The following FHOD3 variants were observed in gnomAD, a reference collection of about 807,000 sequenced individuals.
FHOD3 encodes FH1/FH2 domain-containing protein 3.
In FHOD3, 90 loss-of-function variants were observed where a neutral mutation model predicts 173.0. The observed-to-expected ratio is 0.52, with a 90% CI of 0.44 to 0.62. FHOD3 has a LOEUF of 0.62. Among genes scored for constraint, FHOD3 ranks in the 20% least tolerant of loss-of-function variants. FHOD3 has a pLI of 0.00. For missense variants in FHOD3, 1,945 were observed against 2,034.7 expected, an observed-to-expected ratio of 0.96 and a Z score of 0.85; for synonymous variants, 828 against 823.0, an observed-to-expected ratio of 1.01 and a Z score of -0.10.
Position 36,486,433 on chromosome 18 carries a change from G to A in FHOD3, c.338-15499G>A, listed in dbSNP as rs2054195801. Among the ~76,000 whole-genome samples the A allele has an allele frequency of 2.0e-5, 3 of 152,178 alleles. No individual in the cohort carries two copies. In the South Asian group the frequency reaches 6.2e-4, roughly 32 times the overall value. On this transcript the variant is annotated intron_variant, in intron 3 of 28. Transcript: ENST00000590592. ...CCTGGAGTGCAGTAGCACGATTATA[G>A]CTTACTGCAGCCTCAATCTCCTGGG...
chr18:36,653,167 T>C (rs1004788933), intron 12 of FHOD3, among the ~76,000 whole-genome samples, 175 bp from the exon 13 acceptor site: 2 of 152,240 alleles, frequency 1.3e-5, no homozygotes, highest in Non-Finnish European at 2.9e-5. Flanking sequence ...TGTTAAAATA[T>C]GATTACTAGT....
rs1346065749 is a variant in FHOD3 at position 36,760,669 on chromosome 18, C to T, written c.4511C>T (p.Ala1504Val). Residue 1504 changes from alanine to valine, a missense_variant, in exon 27 of 29, where the codon GCG (alanine) becomes GTG (valine). Transcript: ENST00000590592. ...PPSQPQGLSY[A>V]EDAAEHENMK... ...AGCCAGCCGCAGGGTCTGAGCTATG[C>T]GGAGGACGCGGCTGAGCACGAGAAC... 3 of 1,613,224 alleles carry T rather than the reference C, an allele frequency of 1.9e-6. No individual in the cohort carries two copies. The highest frequency in any genetic ancestry group is 2.5e-6 in the Non-Finnish European group (3 of 1,179,978).
At chr18:36,437,746 C>A (rs1279249768) in intron 3 of FHOD3, among the ~76,000 whole-genome samples, 1 of 150,798 alleles carries the variant, frequency 6.6e-6, no homozygotes, top group Non-Finnish European at 1.5e-5. Context: ...TCACTGCAAC[C>A]TCTGACTCCC....
intron 3 of FHOD3, among the ~76,000 whole-genome samples, chr18:36,469,838 G>C (rs555315736): frequency 6.6e-6 from 1 of 152,220 alleles, no homozygotes; most frequent in Admixed American, 6.5e-5. Flanking sequence ...CGGGGTCTGC[G>C]GGGGAAGCTC....
chr18:36,349,446 G>A (rs934003052), intron 1 of FHOD3, among the ~76,000 whole-genome samples: 2 of 152,328 alleles, frequency 1.3e-5, no homozygotes, highest in African/African-American at 4.8e-5. Flanking sequence ...AGTGCCATAA[G>A]CACTTGCGCT....
At chr18:36,481,017 G>A (rs113534641) in intron 3 of FHOD3, among the ~76,000 whole-genome samples, 1,306 of 108,412 alleles carry the variant, frequency 0.012, 14 homozygotes, top group Admixed American at 0.02. Flanking sequence ...ATATTGGGAG[G>A]TGGTTTTTTT....
intron 3 of FHOD3, among the ~76,000 whole-genome samples, chr18:36,439,161 A>G (rs2050983163): frequency 6.6e-6 from 1 of 152,190 alleles, no homozygotes; most frequent in Non-Finnish European, 1.5e-5. Context: ...TTTTTATTGA[A>G]TGCTCCTTCA....
At chr18:36,330,290 G>A (rs1381832191) in intron 1 of FHOD3, among the ~76,000 whole-genome samples, 2 of 152,186 alleles carry the variant, frequency 1.3e-5, no homozygotes, top group South Asian at 2.1e-4. Flanking sequence ...TGAAAACAAA[G>A]CATCTGAGAG....
At chr18:36,317,736 T>A (rs1018709219) in intron 1 of FHOD3, among the ~76,000 whole-genome samples, 55 of 152,236 alleles carry the variant, frequency 3.6e-4, no homozygotes, top group African/African-American at 1.3e-3. Flanking sequence ...TTTAATTAGA[T>A]CCCATTTGTG....
chr18:36,734,796 G>A (rs1248424693), intron 20 of FHOD3, among the ~76,000 whole-genome samples: 1 of 152,148 alleles, frequency 6.6e-6, no homozygotes, highest in Non-Finnish European at 1.5e-5. Flanking sequence ...TCTGCTTCTC[G>A]GATGCAAGCA....
chr18:36,732,417 A>G (rs2041411821), intron 20 of FHOD3, among the ~76,000 whole-genome samples: 1 of 152,192 alleles, frequency 6.6e-6, no homozygotes, highest in Non-Finnish European at 1.5e-5. Context: ...GAACAGGTAC[A>G]ATAAGGGAAA....
intron 5 of FHOD3, among the ~76,000 whole-genome samples, chr18:36,556,727 A>G (rs1242980079): frequency 1.3e-5 from 2 of 152,124 alleles, no homozygotes; most frequent in Non-Finnish European, 2.9e-5. Flanking sequence ...AAATAAGGGG[A>G]AAAAACGTGT....
chr18:36,498,674 C>A (rs1056285729), intron 3 of FHOD3, among the ~76,000 whole-genome samples: 1 of 152,210 alleles, frequency 6.6e-6, no homozygotes, highest in African/African-American at 2.4e-5. Context: ...CTATACAAAT[C>A]CCTTCTGAAA....
chr18:36,309,010 G>T (rs1272559), intron 1 of FHOD3, among the ~76,000 whole-genome samples: 111,159 of 152,026 alleles, frequency 0.73, 41,163 homozygotes, highest in African/African-American at 0.83. Context: ...GTCCCTGCTA[G>T]ATCCTCCAGC....
At chr18:36,468,439 C>A (rs1217876230) in intron 3 of FHOD3, among the ~76,000 whole-genome samples, 3 of 152,112 alleles carry the variant, frequency 2.0e-5, no homozygotes, top group African/African-American at 7.2e-5. Flanking sequence ...ATAGGGGCAG[C>A]AACACCGGAA....
intron 20 of FHOD3, among the ~76,000 whole-genome samples, chr18:36,732,743 C>A (rs1163176152): frequency 6.6e-6 from 1 of 152,142 alleles, no homozygotes; most frequent in African/African-American, 2.4e-5. Flanking sequence ...GCAGGCCAGG[C>A]CTCAGTGTGA....
At chr18:36,694,075 C>T (rs1371286365) in intron 17 of FHOD3, among the ~76,000 whole-genome samples, 1 of 152,004 alleles carries the variant, frequency 6.6e-6, no homozygotes, top group Admixed American at 6.6e-5. Context: ...GTTTTCCTGC[C>T]TGCTCTGCAT....
chr18:36,626,946 T>C (rs1204905822), intron 10 of FHOD3, among the ~76,000 whole-genome samples: 1 of 152,182 alleles, frequency 6.6e-6, no homozygotes, highest in Non-Finnish European at 1.5e-5. Context: ...GGGACTGGTT[T>C]GAGATAGATG....
chr18:36,369,305 T>C (rs1305753790), intron 2 of FHOD3, among the ~76,000 whole-genome samples: 1 of 152,282 alleles, frequency 6.6e-6, no homozygotes, highest in East Asian at 1.9e-4. Context: ...GAAATGGCCA[T>C]ATGTAAAAGA....
Sources: gnomAD v4.1 joint callset for allele counts (sites outside exome capture counted in the v4.1 genomes callset) on GRCh38, gnomAD v4.1.1 for gene constraint, MANE v1.5 for transcripts, NCBI Gene and HGNC (gene_info 2026-07-23, HGNC 2026-07-21) for gene names.